Variants in NALF1 observed in about 807,000 individuals in gnomAD.
NALF1 encodes the protein NALCN channel auxiliary factor 1, also known as family with sequence similarity 155 member A.
Under a neutral mutation model 48.4 loss-of-function variants are expected in NALF1, and 3 were observed. The ratio of observed to expected loss-of-function variants is 0.06; its 90% CI spans 0.03 to 0.16. NALF1 has a LOEUF of 0.16. NALF1 is among the 10% of genes least tolerant of loss of function. The pLI is 1.00. For synonymous variants in NALF1, 262 were observed against 245.7 expected (o/e 1.07, Z -0.62); for missense variants, 526 against 571.5 (o/e 0.92, Z 0.81).
chr13:107,429,435 A>G (rs187826490), intron 1 of NALF1, among the ~76,000 whole-genome samples: 1 of 152,284 alleles, frequency 6.6e-6, no homozygotes, highest in African/African-American at 2.4e-5. Context: ...CGCTAAAATA[A>G]TGGAGGGAGA....
intron 1 of NALF1, among the ~76,000 whole-genome samples, chr13:107,715,686 C>T (rs1246901337): frequency 6.6e-6 from 1 of 152,158 alleles, no homozygotes; most frequent in East Asian, 1.9e-4. Context: ...AAAGTGAGCC[C>T]TTCAGCAGAG....
chr13:107,597,053 C>T (rs929615952), intron 1 of NALF1, among the ~76,000 whole-genome samples: 3 of 152,046 alleles, frequency 2.0e-5, no homozygotes, highest in African/African-American at 7.2e-5. Flanking sequence ...TGAGACATTT[C>T]GATATATTCA....
intron 1 of NALF1, among the ~76,000 whole-genome samples, chr13:107,519,357 G>A (rs1876162679): frequency 1.1e-5 from 1 of 88,754 alleles, no homozygotes; most frequent in African/African-American, 3.2e-5. Flanking sequence ...AGAGGATCCG[G>A]GAGGAGGAAA....
In NALF1 at chr13:107,692,358, G is replaced by GA. The variant is rs373398776; in HGVS notation, c.915+173323dup. On this transcript the variant is annotated intron_variant, in intron 1 of 2. Coordinates refer to ENST00000375915, the MANE Select transcript of NALF1 (RefSeq NM_001080396.3). The stretch of plus-strand genomic sequence containing the variant: ...AGTTTTTGAAATATTAGTTCTGTGT[G>GA]AAAAAAAAATGAATTTGTTAAAGCA... Among the ~76,000 whole-genome samples the GA allele has an allele frequency of 5.9e-3, 882 of 149,400 alleles. 18 individuals carry two copies. Among genetic ancestry groups the GA allele is most frequent in the African/African-American group, 0.021 (840 of 40,776 alleles).
chr13:107,397,641 A>AT (rs372187306), intron 1 of NALF1, among the ~76,000 whole-genome samples: 2,685 of 150,256 alleles, frequency 0.018, 81 homozygotes, highest in African/African-American at 0.062. Flanking sequence ...CTACATTTTG[A>AT]TTTTTTTTTT....
intron 1 of NALF1, among the ~76,000 whole-genome samples, chr13:107,293,189 C>T (rs1405388292): frequency 6.6e-6 from 1 of 151,720 alleles, no homozygotes; most frequent in Middle Eastern, 3.2e-3. Context: ...ACCTTGTTAG[C>T]CAGGATGCTC....
chr13:107,645,691 A>T (rs1345528670), intron 1 of NALF1, among the ~76,000 whole-genome samples: 2 of 110,082 alleles, frequency 1.8e-5, no homozygotes, highest in East Asian at 5.1e-4. Flanking sequence ...AAAAAAAAAA[A>T]AAAAAAAAAA....
At chr13:107,217,592 C>T (rs1361620867) in intron 1 of NALF1, among the ~76,000 whole-genome samples, 1 of 152,084 alleles carries the variant, frequency 6.6e-6, no homozygotes, top group Non-Finnish European at 1.5e-5. Flanking sequence ...TGTTTCAATA[C>T]CTCAAGCACT....
chr13:107,325,628 A>T (rs934456168), intron 1 of NALF1, among the ~76,000 whole-genome samples: 5 of 151,910 alleles, frequency 3.3e-5, no homozygotes, highest in African/African-American at 1.2e-4. Context: ...ACTTGAGGTC[A>T]GGAGTTCAAG....
chr13:107,601,110 T>C (rs1216172481), intron 1 of NALF1, among the ~76,000 whole-genome samples: 1 of 152,180 alleles, frequency 6.6e-6, no homozygotes, highest in Admixed American at 6.5e-5. Flanking sequence ...CCAGCATGTG[T>C]GACTGCCCTT....
intron 1 of NALF1, among the ~76,000 whole-genome samples, chr13:107,610,607 T>C (rs965464582): frequency 7.2e-5 from 11 of 152,210 alleles, no homozygotes; most frequent in Admixed American, 6.5e-4. Context: ...TACCAGCCTC[T>C]GGATTCTCAA....
intron 1 of NALF1, among the ~76,000 whole-genome samples, chr13:107,600,339 T>G (rs1463091096): frequency 6.6e-6 from 1 of 152,156 alleles, no homozygotes; most frequent in Non-Finnish European, 1.5e-5. Flanking sequence ...CCTTATATTA[T>G]CAATATTTTA....
At chr13:107,728,589 C>T (rs1427002709) in intron 1 of NALF1, among the ~76,000 whole-genome samples, 1 of 151,798 alleles carries the variant, frequency 6.6e-6, no homozygotes, top group Non-Finnish European at 1.5e-5. Flanking sequence ...GCATGCGGGG[C>T]TTAAAACCTG....
intron 1 of NALF1, among the ~76,000 whole-genome samples, chr13:107,298,920 T>G (rs1201197242): frequency 1.3e-5 from 2 of 151,912 alleles, no homozygotes; most frequent in Admixed American, 6.6e-5. Context: ...AATCTGAGAG[T>G]CTCTCCAAAT....
intron 1 of NALF1, among the ~76,000 whole-genome samples, chr13:107,654,207 T>C (rs1050593073): frequency 6.6e-6 from 1 of 152,108 alleles, no homozygotes; most frequent in African/African-American, 2.4e-5. Flanking sequence ...GAAGATATTA[T>C]AACTGACACC....
At chr13:107,275,917 A>G (rs571809240) in intron 1 of NALF1, among the ~76,000 whole-genome samples, 65 of 152,154 alleles carry the variant, frequency 4.3e-4, no homozygotes, top group Non-Finnish European at 8.4e-4. Context: ...TGTGGCTGTT[A>G]GTGGGCTTCT....
Position 107,218,819 on chromosome 13 carries a change from G to A in NALF1, c.916-8064C>T, listed in dbSNP as rs547563127. 6.0e-3 allele frequency among the ~76,000 whole-genome samples: 907 copies of A among 152,146 alleles called. 5 individuals are homozygous for A. Among genetic ancestry groups the A allele is most frequent in the African/African-American group, 0.021 (872 of 41,476 alleles). ...TTCTGAGCTCATGGAAGGCCACAGA[G>A]CTTCAGAGGGCAAAGTATATTTTAT... On this transcript the variant is annotated intron_variant, in intron 1 of 2. Transcript: ENST00000375915.
intron 1 of NALF1, among the ~76,000 whole-genome samples, chr13:107,783,353 T>C (rs1188225279): frequency 1.3e-5 from 2 of 151,550 alleles, no homozygotes; most frequent in Non-Finnish European, 2.9e-5. Flanking sequence ...CCACCCCGTC[T>C]GGGAGGTGTG....
chr13:107,362,481 T>C lies in NALF1; in HGVS notation c.916-151726A>G, dbSNP rs1365433477. ...TGACATCTCTTGATTTGCAGCTGCA[T>C]GACTCCAATTTATACCACTGTTGTC... On this transcript the variant is annotated intron_variant, in intron 1 of 2. Transcript: ENST00000375915. The surrounding 1 kb of genome is among the most constrained non-coding windows in gnomAD (Gnocchi z 4.6). Among the ~76,000 whole-genome samples the C allele has an allele frequency of 6.6e-6, 1 of 152,178 alleles. No individual in the cohort carries two copies. Among genetic ancestry groups the C allele is most frequent in the Non-Finnish European group, 1.5e-5 (1 of 68,046 alleles).
Sources: allele counts gnomAD v4.1 joint callset (sites outside exome capture counted in the v4.1 genomes callset), GRCh38; gene constraint gnomAD v4.1.1; non-coding constraint Gnocchi (gnomAD v3.1); transcripts MANE v1.5; gene names NCBI Gene and HGNC (gene_info 2026-07-23, HGNC 2026-07-21).